Variants in ADCYAP1R1 observed in about 807,000 individuals in gnomAD.
The protein encoded by ADCYAP1R1 is pituitary adenylate cyclase-activating polypeptide type I receptor.
ADCYAP1R1 carries 44 observed loss-of-function variants against 67.6 expected under a neutral mutation model. The ratio of observed to expected loss-of-function variants is 0.65; its 90% CI spans 0.51 to 0.84. The LOEUF is 0.84. Ranked by LOEUF, ADCYAP1R1 falls within the 40% of genes least tolerant of loss-of-function variation. The pLI is 0.00. For synonymous variants in ADCYAP1R1, 222 were observed against 219.6 expected (o/e 1.01, Z -0.10); for missense variants, 477 against 587.9 (o/e 0.81, Z 1.95).
chr7:31,053,064 G>T (rs1288354670), intron 1 of ADCYAP1R1, among the ~76,000 whole-genome samples: 1 of 152,224 alleles, frequency 6.6e-6, no homozygotes, highest in African/African-American at 2.4e-5. Context: ...GGAGGGACAT[G>T]CCTCCCTACC....
chr7:31,100,244 T>C (rs1293565341), intron 13 of ADCYAP1R1: 9 of 1,545,116 alleles, frequency 5.8e-6, no homozygotes, highest in Non-Finnish European at 7.9e-6. Flanking sequence ...TGGCCGGGAA[T>C]CCTGGAGGGG....
At chr7:31,077,559 CATGTGTGATGTGTGTGTGTTGT>C (rs1795310844) in intron 3 of ADCYAP1R1, among the ~76,000 whole-genome samples, 2 of 116,848 alleles carry the variant, frequency 1.7e-5, no homozygotes, top group Non-Finnish European at 3.5e-5. Flanking sequence ...GTGTGTGGTG[CATGTGTGATGTGTGTGTGTTGT>C]ATGTGTGTGT....
chr7:31,101,164 T>A (rs991064203), intron 13 of ADCYAP1R1, among the ~76,000 whole-genome samples: 1 of 152,208 alleles, frequency 6.6e-6, no homozygotes, highest in Admixed American at 6.5e-5. Context: ...CTGTCTGTTC[T>A]GGGGCTGCTG....
chr7:31,068,530 G>A (rs1452787497), intron 3 of ADCYAP1R1, among the ~76,000 whole-genome samples: 1 of 152,192 alleles, frequency 6.6e-6, no homozygotes, highest in Non-Finnish European at 1.5e-5. Context: ...CAATGAGGCT[G>A]GAAAGAGGCC....
At chr7:31,100,178 T>C in intron 13 of ADCYAP1R1, 2 of 1,550,640 alleles carry the variant, frequency 1.3e-6, no homozygotes, top group Non-Finnish European at 1.7e-6. Flanking sequence ...AGCAGCACTC[T>C]TGCAAGATGT....
In ADCYAP1R1 at chr7:31,098,148, C is replaced by T. The variant is rs576095170; in HGVS notation, c.1047-5089C>T. 6.3e-4 allele frequency among the ~76,000 whole-genome samples: 96 copies of T among 152,234 alleles called. 1 individual carries two copies. Among genetic ancestry groups the T allele is most frequent in the African/African-American group, 2.1e-3 (86 of 41,542 alleles). ...AACTCCTGAACTCAGCCAATCCACC[C>T]GCCTCGGCCTCCCAAAGTGCTGGGA... is the stretch of plus-strand genomic sequence containing the variant. On this transcript the variant is annotated intron_variant, in intron 13 of 15. Transcript: ENST00000304166.
intron 1 of ADCYAP1R1, among the ~76,000 whole-genome samples, chr7:31,060,431 T>C (rs1369089046): frequency 6.6e-6 from 1 of 152,164 alleles, no homozygotes; most frequent in African/African-American, 2.4e-5. Flanking sequence ...TGCACATATC[T>C]TTGTTCTGTG....
rs150293306 is a variant in ADCYAP1R1 at position 31,059,226 on chromosome 7, C to A, written c.-71-3968C>A. On this transcript the variant is annotated intron_variant, in intron 1 of 15. Coordinates refer to ENST00000304166, the MANE Select transcript of ADCYAP1R1 (RefSeq NM_001118.5). ...GGCTATAGTATATACTCTATAGTTT[C>A]TTTGTATAAATTTGCTGATGCCTCA... is the stretch of plus-strand genomic sequence containing the variant. Among the ~76,000 whole-genome samples the A allele has an allele frequency of 6.4e-3, 978 of 152,166 alleles. 10 individuals are homozygous for A. The highest frequency in any genetic ancestry group is 0.02 in the African/African-American group (834 of 41,498).
At chr7:31,065,731 G>T (rs1794709631) in intron 3 of ADCYAP1R1, among the ~76,000 whole-genome samples, 1 of 152,164 alleles carries the variant, frequency 6.6e-6, no homozygotes, top group African/African-American at 2.4e-5. Context: ...AGGGGAGGGG[G>T]CATCACAGAG....
At position 31,102,276 on chromosome 7, in the gene ADCYAP1R1, GGGGGCAGGCCACATCTGC is replaced by G. The variant is rs893353250; in HGVS notation, c.1047-942_1047-925del. Among the ~76,000 whole-genome samples the G allele has an allele frequency of 2.0e-4, 31 of 152,220 alleles. No individual in the cohort carries two copies. Among genetic ancestry groups the G allele is most frequent in the East Asian group, 1.7e-3 (9 of 5,180 alleles). ...GGAGGAGATGGGCCAGGTGCAGCCT[GGGGGCAGGCCACATCTGC>G]GGGGCAGGCCACATCTGCAGGGCAG... On this transcript the variant is annotated intron_variant, in intron 13 of 15. Coordinates refer to ENST00000304166, the MANE Select transcript of ADCYAP1R1 (RefSeq NM_001118.5). This position sits in a 1 kb window ranked among gnomAD's most constrained non-coding sequence, Gnocchi z 4.3.
At chr7:31,100,056 C>T (rs1796374730) in intron 13 of ADCYAP1R1, 1 of 1,442,388 alleles carries the variant, frequency 6.9e-7, no homozygotes, top group Non-Finnish European at 9.5e-7. Context: ...TTTCTGCTTT[C>T]CCTGTAAACT....
chr7:31,110,718 G>T lies in ADCYAP1R1; in HGVS notation c.*4034G>T, dbSNP rs1391156906. ...TGGGGAGACCTACTTTTTAACCTGG[G>T]CTTAGCCACCTGCTCTGTGATCCAG... On this transcript the variant is annotated 3_prime_UTR_variant, in exon 16 of 16. Transcript: ENST00000304166. The T allele has an allele frequency of 6.6e-6, 1 of 152,502 alleles. No individual in the cohort carries two copies. Among genetic ancestry groups the T allele is most frequent in the Non-Finnish European group, 1.5e-5 (1 of 68,060 alleles). 9.4% of individuals were successfully genotyped at this position (152,502 alleles called of 1,614,324 possible). A position where few individuals can be genotyped will look rare whatever the true frequency, so the allele number is the denominator to read the frequency against.
intron 4 of ADCYAP1R1, among the ~76,000 whole-genome samples, chr7:31,080,300 GTGT>G (rs1795462088): frequency 1.3e-5 from 2 of 152,312 alleles, no homozygotes; most frequent in East Asian, 3.9e-4. Context: ...TGGGATTCCT[GTGT>G]TTCTTCTCAG....
intron 13 of ADCYAP1R1, among the ~76,000 whole-genome samples, chr7:31,101,141 C>T (rs1796417611): frequency 6.6e-6 from 1 of 152,186 alleles, no homozygotes; most frequent in South Asian, 2.1e-4. Context: ...CCCTGGCTCC[C>T]CAGCAGAAGT....
At chr7:31,078,651 G>A (rs1223232688) in intron 4 of ADCYAP1R1, among the ~76,000 whole-genome samples, 1 of 152,230 alleles carries the variant, frequency 6.6e-6, no homozygotes, top group African/African-American at 2.4e-5. Context: ...CACATGCAGA[G>A]CCACTTAGAC....
chr7:31,092,672 T>C lies in ADCYAP1R1; in HGVS notation c.983T>C (p.Ile328Thr). 6.2e-7 allele frequency: 1 copy of C among 1,612,200 alleles called. No individual in the cohort carries two copies. Among genetic ancestry groups the C allele is most frequent in the Non-Finnish European group, 8.5e-7 (1 of 1,179,740 alleles). Residue 328 changes from isoleucine to threonine, a missense_variant, in exon 13 of 16, where the codon ATC becomes ACC. Physicochemically the swap from Ile to Thr is moderately conservative, Grantham distance 89. Transcript: ENST00000304166. The part of the protein sequence containing the change: ...MVNFVLFIGI[I>T]VILVQKLQSP... ...AACTTTGTGCTTTTTATTGGCATTATCGTCATCCTTGTGCAGAAACTTCAG... is the reference window on the plus strand; with the variant it reads ...AACTTTGTGCTTTTTATTGGCATTACCGTCATCCTTGTGCAGAAACTTCAG...
intron 13 of ADCYAP1R1, chr7:31,095,857 G>A (rs2267734): frequency 0.52 from 334,798 of 646,108 alleles, 88,905 homozygotes; most frequent in African/African-American, 0.69. Context: ...GGGCCTCTGC[G>A]GGGGGACGGT....
chr7:31,083,759 C>T (rs1444609355), intron 6 of ADCYAP1R1, among the ~76,000 whole-genome samples: 1 of 152,176 alleles, frequency 6.6e-6, no homozygotes, highest in African/African-American at 2.4e-5. Context: ...GACAGAGAAT[C>T]CCTAAGGGCA....
intron 13 of ADCYAP1R1, among the ~76,000 whole-genome samples, chr7:31,097,221 C>G (rs1022771778): frequency 6.6e-6 from 1 of 152,244 alleles, no homozygotes; most frequent in Non-Finnish European, 1.5e-5. Flanking sequence ...TCAGGCTGCT[C>G]TGCTCTCCAG....
Sources: allele counts gnomAD v4.1 joint callset (sites outside exome capture counted in the v4.1 genomes callset), GRCh38; gene constraint gnomAD v4.1.1; non-coding constraint Gnocchi (gnomAD v3.1); transcripts MANE v1.5; gene names NCBI Gene and HGNC (gene_info 2026-07-23, HGNC 2026-07-21).